The following CYB5R4 variants were observed in gnomAD, a reference collection of about 807,000 sequenced individuals.
The protein encoded by CYB5R4 is N-terminal cytochrome b5 and cytochrome b5 oxidoreductase domain-containing protein.
Under a neutral mutation model 70.2 loss-of-function variants are expected in CYB5R4, and 55 were observed. That is an observed-to-expected ratio of 0.78 (90% confidence interval 0.63 to 0.98). CYB5R4 has a LOEUF of 0.98. Ranked by LOEUF, CYB5R4 falls within the 50% of genes least tolerant of loss-of-function variation. The pLI is 0.00. For synonymous variants in CYB5R4, 197 were observed against 199.5 expected (o/e 0.99, Z 0.11); for missense variants, 562 against 612.6 (o/e 0.92, Z 0.87).
intron 14 of CYB5R4, among the ~76,000 whole-genome samples, chr6:83,942,773 T>TG (rs924091256): frequency 6.9e-4 from 104 of 151,474 alleles, no homozygotes; most frequent in African/African-American, 2.2e-3. Flanking sequence ...TTGAGCCTGG[T>TG]GGGGGGAGGG....
intron 2 of CYB5R4, among the ~76,000 whole-genome samples, chr6:83,882,026 A>G (rs1427863516): frequency 6.6e-6 from 1 of 152,240 alleles, no homozygotes; most frequent in African/African-American, 2.4e-5. Flanking sequence ...ATCTCCTGTT[A>G]GATCAAGACT....
chr6:83,870,345 A>G (rs1399317069), intron 2 of CYB5R4, among the ~76,000 whole-genome samples: 1 of 152,042 alleles, frequency 6.6e-6, no homozygotes, highest in Non-Finnish European at 1.5e-5. Context: ...ATATTTCTTT[A>G]GATTATCTTT....
chr6:83,943,449 C>T (rs866761561), intron 14 of CYB5R4, among the ~76,000 whole-genome samples: 16 of 152,096 alleles, frequency 1.1e-4, no homozygotes, highest in Middle Eastern at 6.8e-3. Context: ...CAAGCAAACA[C>T]TCCATCCAAA....
In CYB5R4 at chr6:83,923,880, A is replaced by C. The variant is rs570584916; in HGVS notation, c.692-590A>C. Among the ~76,000 whole-genome samples, 3 of 151,572 alleles carry C rather than the reference A, an allele frequency of 2.0e-5. No homozygotes were observed. In the East Asian group the frequency reaches 5.9e-4, roughly 30 times the overall value. Reference sequence around the variant, plus strand: ...GGAGATCGAGACCATCCTGGCTAACACAGTGAAACCCCATCTCTACTAAAA... The same window carrying C: ...GGAGATCGAGACCATCCTGGCTAACCCAGTGAAACCCCATCTCTACTAAAA... On this transcript the variant is annotated intron_variant, in intron 9 of 15. Coordinates refer to ENST00000369681, the MANE Select transcript of CYB5R4 (RefSeq NM_016230.4).
At chr6:83,873,367 G>A (rs989699310) in intron 2 of CYB5R4, among the ~76,000 whole-genome samples, 10 of 148,984 alleles carry the variant, frequency 6.7e-5, no homozygotes, top group East Asian at 4.0e-4. Context: ...AGCCTCCCAA[G>A]TAGCTGGGAT....
At chr6:83,895,652 T>G (rs1413392805) in intron 3 of CYB5R4, among the ~76,000 whole-genome samples, 1 of 152,228 alleles carries the variant, frequency 6.6e-6, no homozygotes, top group African/African-American at 2.4e-5. Flanking sequence ...TGAGGTCATA[T>G]AGACCTTATT....
intron 4 of CYB5R4, among the ~76,000 whole-genome samples, chr6:83,911,601 C>A (rs1167216775): frequency 1.3e-5 from 2 of 152,080 alleles, no homozygotes; most frequent in African/African-American, 4.8e-5. Context: ...TTCAAGGACT[C>A]CTGACAAATG....
At chr6:83,899,243 T>C (rs1293930176) in intron 3 of CYB5R4, among the ~76,000 whole-genome samples, 1 of 152,150 alleles carries the variant, frequency 6.6e-6, no homozygotes, top group Non-Finnish European at 1.5e-5. Flanking sequence ...TTGTCTTTGG[T>C]TCTGTTTATA....
Position 83,960,140 on chromosome 6 carries a change from A to G in CYB5R4, c.*262A>G, listed in dbSNP as rs1053045545. On this transcript the variant is annotated 3_prime_UTR_variant, in exon 16 of 16. Transcript: ENST00000369681. ...CAGGATTCTTTGTTATGAATCACAA[A>G]TTTCCTTGCCATTTAAATTATATCA... is the stretch of plus-strand genomic sequence containing the variant. The G allele has an allele frequency of 6.8e-6, 2 of 294,818 alleles. No individual in the cohort carries two copies. The highest frequency in any genetic ancestry group is 1.2e-5 in the Non-Finnish European group (2 of 161,070). The allele number at this position is 294,818 out of a possible 1,614,324, so 18.3% of individuals were successfully genotyped here.
intron 3 of CYB5R4, among the ~76,000 whole-genome samples, chr6:83,904,729 G>A (rs766755984): frequency 6.6e-6 from 1 of 152,144 alleles, no homozygotes; most frequent in Non-Finnish European, 1.5e-5. Flanking sequence ...GAGTTCTTCA[G>A]TTCCAGAATT....
In CYB5R4 at chr6:83,919,129, A is replaced by G. The variant is rs61763825; in HGVS notation, c.507-268A>G. Among the ~76,000 whole-genome samples, 1,194 of 152,240 alleles carry G rather than the reference A, an allele frequency of 7.8e-3. 13 individuals are homozygous for G. Among genetic ancestry groups the G allele is most frequent in the African/African-American group, 0.027 (1,135 of 41,570 alleles). On this transcript the variant is annotated intron_variant, in intron 6 of 15. Transcript: ENST00000369681. The stretch of plus-strand genomic sequence containing the variant: ...AAAGAAGATTTTAGTAAAGAGATGT[A>G]TAGGCTCTATAAAAAGGGTCTTGTT...
chr6:83,941,096 C>T (rs769837386), intron 14 of CYB5R4, among the ~76,000 whole-genome samples: 2 of 152,144 alleles, frequency 1.3e-5, no homozygotes, highest in Non-Finnish European at 2.9e-5. Context: ...TTTGCATTAA[C>T]ACTTCTTCGC....
rs896701118 is a variant in CYB5R4 at position 83,961,062 on chromosome 6, T to C, written c.*1184T>C. ...CTCTGTAAATGATTTTGTAAACAGC[T>C]AAATCTTTGCTGAATGAATAATATA... On this transcript the variant is annotated 3_prime_UTR_variant, in exon 16 of 16. Coordinates refer to ENST00000369681, the MANE Select transcript of CYB5R4 (RefSeq NM_016230.4). The C allele has an allele frequency of 1.4e-4, 21 of 152,226 alleles. No individual in the cohort carries two copies. Among genetic ancestry groups the C allele is most frequent in the African/African-American group, 4.8e-4 (20 of 41,462 alleles). The allele number at this position is 152,226 out of a possible 1,614,324, so 9.4% of individuals were successfully genotyped here.
intron 15 of CYB5R4, among the ~76,000 whole-genome samples, chr6:83,956,563 T>C (rs993666690): frequency 1.3e-5 from 2 of 152,122 alleles, no homozygotes; most frequent in African/African-American, 4.8e-5. Context: ...TAGATGACAA[T>C]GTTTCCTGTT....
chr6:83,954,344 A>G (rs987800817), intron 14 of CYB5R4, among the ~76,000 whole-genome samples: 9 of 152,200 alleles, frequency 5.9e-5, no homozygotes, highest in African/African-American at 1.7e-4. Flanking sequence ...ATTAAAATGC[A>G]TGTGTCACTG....
chr6:83,958,645 C>G (rs1005033328), intron 15 of CYB5R4, among the ~76,000 whole-genome samples: 1 of 152,172 alleles, frequency 6.6e-6, no homozygotes, highest in African/African-American at 2.4e-5. Flanking sequence ...AGAGGCTTTA[C>G]TGCTGCACTG....
intron 10 of CYB5R4, among the ~76,000 whole-genome samples, chr6:83,929,768 T>G (rs1336306244): frequency 6.6e-6 from 1 of 152,212 alleles, no homozygotes; most frequent in Non-Finnish European, 1.5e-5. Flanking sequence ...TAATTGATAC[T>G]GTCTTTAATA....
chr6:83,907,853 C>T (rs1004748062), intron 3 of CYB5R4, among the ~76,000 whole-genome samples: 1 of 152,030 alleles, frequency 6.6e-6, no homozygotes, highest in African/African-American at 2.4e-5. Flanking sequence ...GTATATCTAC[C>T]ACATTTTCTT....
In CYB5R4 at chr6:83,966,806, G is replaced by T. The variant is rs972556887; in HGVS notation, c.*6928G>T. The stretch of plus-strand genomic sequence containing the variant: ...CTTGAAGACAAAAATCAAAGGAAAA[G>T]AATACTAAAAACTCTACTTAATGAA... On this transcript the variant is annotated 3_prime_UTR_variant, in exon 16 of 16. Coordinates refer to ENST00000369681, the MANE Select transcript of CYB5R4 (RefSeq NM_016230.4). 6.6e-6 allele frequency: 1 copy of T among 151,948 alleles called. No individual in the cohort carries two copies. The highest frequency in any genetic ancestry group is 2.4e-5 in the African/African-American group (1 of 41,384). The allele number at this position is 151,948 out of a possible 1,614,324, so 9.4% of individuals were successfully genotyped here.
Sources: gnomAD v4.1 joint callset for allele counts (sites outside exome capture counted in the v4.1 genomes callset) on GRCh38, gnomAD v4.1.1 for gene constraint, MANE v1.5 for transcripts, NCBI Gene and HGNC (gene_info 2026-07-23, HGNC 2026-07-21) for gene names.